NSMAF: variants seen among roughly 807,000 people sequenced by gnomAD.
NSMAF encodes neutral sphingomyelinase activation associated factor, also known as protein FAN.
NSMAF carries 90 observed loss-of-function variants against 134.9 expected under a neutral mutation model. The ratio of observed to expected loss-of-function variants is 0.67; its 90% CI spans 0.56 to 0.79. The LOEUF is 0.79. NSMAF is among the 30% of genes least tolerant of loss of function. NSMAF has a pLI of 0.00. For missense variants in NSMAF, 1,010 were observed against 1,119.0 expected (o/e 0.90, Z 1.39); for synonymous variants, 358 against 389.6 (o/e 0.92, Z 0.96).
intron 23 of NSMAF, 53 bp from the exon 24 acceptor site, chr8:58,590,987 G>A: frequency 2.0e-6 from 3 of 1,519,106 alleles, no homozygotes; most frequent in Non-Finnish European, 2.7e-6. Context: ...AACCATTACA[G>A]ACGTCAAAGA....
rs1015246431 is a variant in NSMAF at position 58,585,835 on chromosome 8, C to T, written c.2549+63G>A. 1.6e-5 allele frequency: 26 copies of T among 1,578,172 alleles called. No homozygotes were observed. In the East Asian group the frequency reaches 2.0e-4, roughly 12 times the overall value. On this transcript the variant is annotated intron_variant, in intron 29 of 30. Transcript: ENST00000038176. ...TATGTTGAACTGGCCAATGTAAGCC[C>T]AAATGAAGTGATCATGAACATGTCT...
chr8:58,613,899 G>T (rs1216801619), intron 9 of NSMAF, among the ~76,000 whole-genome samples: 1 of 151,884 alleles, frequency 6.6e-6, no homozygotes, highest in Non-Finnish European at 1.5e-5. Context: ...CATCATGTTG[G>T]CACTCAAAAA....
intron 1 of NSMAF, among the ~76,000 whole-genome samples, chr8:58,648,430 C>G (rs1456712144): frequency 6.6e-6 from 1 of 152,174 alleles, no homozygotes. Flanking sequence ...GAATTCAAGC[C>G]GGCTATGGAG....
chr8:58,598,076 A>C (rs992866803), intron 19 of NSMAF, among the ~76,000 whole-genome samples, 174 bp from the exon 20 acceptor site: 14 of 152,366 alleles, frequency 9.2e-5, no homozygotes, highest in South Asian at 2.1e-4. Context: ...TATTATCTTC[A>C]GATGAACAAA....
intron 1 of NSMAF, 123 bp from the exon 2 acceptor site, chr8:58,643,196 G>A: frequency 1.4e-6 from 1 of 726,084 alleles, no homozygotes; most frequent in Non-Finnish European, 2.4e-6. Flanking sequence ...CATTTATGAA[G>A]CATGTATATC....
chr8:58,608,175 G>A (rs1363370771), intron 10 of NSMAF, among the ~76,000 whole-genome samples: 1 of 152,076 alleles, frequency 6.6e-6, no homozygotes, highest in Non-Finnish European at 1.5e-5. Flanking sequence ...ATAAAGAACT[G>A]GCATAAATAA....
chr8:58,594,111 CTAAGTTTACT>C, intron 23 of NSMAF, 111 bp downstream of exon 23: 1 of 779,652 alleles, frequency 1.3e-6, no homozygotes, highest in Non-Finnish European at 2.2e-6. Flanking sequence ...AGGAACTGCT[CTAAGTTTACT>C]TTATGTGGAG....
intron 6 of NSMAF, chr8:58,631,241 C>T: frequency 9.9e-6 from 3 of 303,958 alleles, no homozygotes; most frequent in Non-Finnish European, 1.8e-5. Context: ...AATGCATATT[C>T]TGATTTTAAT....
At chr8:58,659,378 G>T in intron 1 of NSMAF, 195 bp downstream of exon 1, 1 of 1,521,116 alleles carries the variant, frequency 6.6e-7, no homozygotes, top group South Asian at 1.2e-5. Flanking sequence ...CTCCGGCCCA[G>T]ACCAGGCCCC....
Position 58,583,929 on chromosome 8 carries a change from A to T in NSMAF, c.*177T>A. The T allele has an allele frequency of 1.6e-6, 1 of 613,230 alleles. No homozygotes were observed. Among genetic ancestry groups the T allele is most frequent in the East Asian group, 2.8e-5 (1 of 35,264 alleles). 38.0% of individuals were successfully genotyped at this position (613,230 alleles called of 1,614,324 possible). A position where few individuals can be genotyped will look rare whatever the true frequency, so the allele number is the denominator to read the frequency against. On this transcript the variant is annotated 3_prime_UTR_variant, in exon 31 of 31. Transcript: ENST00000038176. ...GCCGCATTTTATCTGCCCTAAGAGA[A>T]TAGCAACTAATGGCTTTCAATGAAG...
At chr8:58,594,399 A>G (rs922280030) in intron 22 of NSMAF, 109 bp from the exon 23 acceptor site, 12 of 968,394 alleles carry the variant, frequency 1.2e-5, no homozygotes, top group Non-Finnish European at 1.9e-5. Flanking sequence ...TTTTTTCTTC[A>G]CAGCATGTCT....
Position 58,631,496 on chromosome 8 carries a change from CCTTT to C in NSMAF, c.380_383del (p.Glu127GlyfsTer41). The C allele has an allele frequency of 6.7e-7, 1 of 1,491,304 alleles. No individual in the cohort carries two copies. 92.4% of individuals were successfully genotyped at this position (1,491,304 alleles called of 1,614,324 possible). A position where few individuals can be genotyped will look rare whatever the true frequency, so the allele number is the denominator to read the frequency against. On this transcript the variant is annotated frameshift_variant and splice_region_variant, in exon 6 of 31. Transcript: ENST00000038176. LOFTEE classifies it high-confidence loss of function. ...GAAATACATGAAAAGCTTTACTTAC[CCTTT>C]CTATTTTATATGGTGCAACAACATT...
At chr8:58,592,833 G>A (rs1336874404) in intron 23 of NSMAF, among the ~76,000 whole-genome samples, 1 of 151,648 alleles carries the variant, frequency 6.6e-6, no homozygotes, top group Non-Finnish European at 1.5e-5. Context: ...GTTGCAGTGA[G>A]CCAAGATCGT....
At chr8:58,597,773 C>G in intron 20 of NSMAF, 87 bp downstream of exon 20, 2 of 1,062,256 alleles carry the variant, frequency 1.9e-6, no homozygotes, top group African/African-American at 1.6e-5. Context: ...AATTTCCATA[C>G]CTCAACCTTC....
chr8:58,610,700 T>C (rs1433743996), intron 9 of NSMAF, among the ~76,000 whole-genome samples: 5 of 152,000 alleles, frequency 3.3e-5, no homozygotes, highest in Non-Finnish European at 7.4e-5. Flanking sequence ...TTCAGGGAAA[T>C]GGAAAGCCAG....
chr8:58,625,407 T>TATGTATGTATGTATGTATGC (rs1806904780), intron 6 of NSMAF, among the ~76,000 whole-genome samples: 4 of 152,186 alleles, frequency 2.6e-5, no homozygotes, highest in Non-Finnish European at 5.9e-5. Flanking sequence ...TGTATGTATG[T>TATGTATGTATGTATGTATGC]ATGTATGTAT....
Position 58,606,042 on chromosome 8 carries a change from A to G in NSMAF, c.760-7T>C. The G allele has an allele frequency of 6.4e-7, 1 of 1,570,990 alleles. No homozygotes were observed. The highest frequency in any genetic ancestry group is 1.4e-5 in the African/African-American group (1 of 72,426). On this transcript the variant is annotated splice_polypyrimidine_tract_variant and splice_region_variant and intron_variant, in intron 11 of 30. Transcript: ENST00000038176. ...TGCAAAATACTTCCAAGCCCTATAA[A>G]TTCAAAAAGAAAATAATAAAATAAA...
Position 58,595,619 on chromosome 8 carries a change from T to A in NSMAF, c.1833A>T (p.Thr611=). The A allele has an allele frequency of 6.2e-7, 1 of 1,614,136 alleles. No homozygotes were observed. Among genetic ancestry groups the A allele is most frequent in the African/African-American group, 1.3e-5 (1 of 75,056 alleles). The change falls in exon 22 of 31, where the codon ACA becomes ACT. Residue 611 remains threonine, a synonymous_variant. Transcript: ENST00000038176. ...GTTTGGTGATGTTATTCCAGGCCAGTGTTTTGCTTTCTTCGGTCAGGTCTT... is the reference window on the plus strand; with the variant it reads ...GTTTGGTGATGTTATTCCAGGCCAGAGTTTTGCTTTCTTCGGTCAGGTCTT... ...SFEDLTEESK[T]LAWNNITKLQ...
chr8:58,623,083 TG>T (rs1806825689), intron 9 of NSMAF, 136 bp downstream of exon 9: 1 of 681,484 alleles, frequency 1.5e-6, no homozygotes, highest in African/African-American at 1.8e-5. Flanking sequence ...TCTCCTGCAC[TG>T]AGGCTGAGCC....
Sources: allele counts gnomAD v4.1 joint callset (sites outside exome capture counted in the v4.1 genomes callset), GRCh38; gene constraint gnomAD v4.1.1; transcripts MANE v1.5; gene names NCBI Gene and HGNC (gene_info 2026-07-23, HGNC 2026-07-21).